KATNAL1: variants seen among roughly 807,000 people sequenced by gnomAD.
KATNAL1 encodes katanin catalytic subunit A1 like 1.
A neutral mutation model predicts 55.2 loss-of-function variants in KATNAL1; 32 were observed. The observed-to-expected ratio is 0.58, with a 90% CI of 0.44 to 0.78. KATNAL1 has a LOEUF of 0.78. Among genes scored for constraint, KATNAL1 ranks in the 30% least tolerant of loss-of-function variants. The probability of loss-of-function intolerance (pLI) is 0.00; values close to 1 mark genes in which losing one functional copy is unlikely to be tolerated. For synonymous variants in KATNAL1, 193 were observed against 193.6 expected (o/e 1.00, Z 0.02); for missense variants, 466 against 600.9 (o/e 0.78, Z 2.35).
chr13:30,251,064 G>A (rs1878249683), intron 4 of KATNAL1, among the ~76,000 whole-genome samples: 1 of 151,164 alleles, frequency 6.6e-6, no homozygotes, highest in Admixed American at 6.6e-5. Flanking sequence ...TGTGAACCCA[G>A]GAGGCAGAGC....
At chr13:30,267,129 C>T (rs1023225232) in intron 3 of KATNAL1, among the ~76,000 whole-genome samples, 1 of 152,164 alleles carries the variant, frequency 6.6e-6, no homozygotes, top group African/African-American at 2.4e-5. Context: ...CTGTATCTTG[C>T]TTTTCTTTGG....
intron 1 of KATNAL1, among the ~76,000 whole-genome samples, chr13:30,291,892 G>A (rs866719838): frequency 9.2e-5 from 14 of 151,980 alleles, no homozygotes; most frequent in African/African-American, 2.7e-4. Context: ...AAAACTAGCC[G>A]GGTGCGGTGG....
In KATNAL1 at chr13:30,218,966, T is replaced by C. The variant is rs1375414078; in HGVS notation, c.1147+8446A>G. On this transcript the variant is annotated intron_variant, in intron 9 of 10. Coordinates refer to ENST00000380615, the MANE Select transcript of KATNAL1 (RefSeq NM_032116.5). ...TTAAACTGCAAGAGTAAGTGATATA[T>C]TGGCTTTTCTTACCACCAATTTCTA... Among the ~76,000 whole-genome samples, 6 of 152,346 alleles carry C rather than the reference T, an allele frequency of 3.9e-5. No homozygotes were observed. In the South Asian group the frequency reaches 6.2e-4, roughly 16 times the overall value.
chr13:30,244,276 C>T (rs899481646), intron 4 of KATNAL1, among the ~76,000 whole-genome samples: 2 of 152,202 alleles, frequency 1.3e-5, no homozygotes, highest in Admixed American at 6.5e-5. Flanking sequence ...TTTTTTATGG[C>T]TGCATAGTAT....
At chr13:30,270,259 GC>G (rs1383628874) in intron 3 of KATNAL1, among the ~76,000 whole-genome samples, 1 of 132,732 alleles carries the variant, frequency 7.5e-6, no homozygotes, top group Non-Finnish European at 1.7e-5. Context: ...TGGGGGGTCA[GC>G]CCCCCCGCCC....
chr13:30,247,047 T>C (rs993320384), intron 4 of KATNAL1, among the ~76,000 whole-genome samples: 10 of 152,186 alleles, frequency 6.6e-5, no homozygotes, highest in African/African-American at 2.2e-4. Context: ...ATGAGGTAGG[T>C]ACTCTTATTA....
At chr13:30,245,450 C>A (rs181012130) in intron 4 of KATNAL1, among the ~76,000 whole-genome samples, 1 of 152,160 alleles carries the variant, frequency 6.6e-6, no homozygotes. Context: ...CAATATCACA[C>A]TGAATGGGCA....
At chr13:30,296,512 C>A in intron 1 of KATNAL1, 1 of 731,732 alleles carries the variant, frequency 1.4e-6, no homozygotes, top group Non-Finnish European at 2.6e-6. Flanking sequence ...GAGTGCATTG[C>A]CTACTGGGGC....
intron 3 of KATNAL1, among the ~76,000 whole-genome samples, chr13:30,270,316 C>T (rs1430941569): frequency 1.3e-5 from 2 of 151,284 alleles, no homozygotes; most frequent in Non-Finnish European, 3.0e-5. Flanking sequence ...CAGCCCCCCG[C>T]CCGGCCAGCC....
At chr13:30,235,833 A>G (rs769502878) in intron 6 of KATNAL1, among the ~76,000 whole-genome samples, 4 of 151,266 alleles carry the variant, frequency 2.6e-5, no homozygotes, top group African/African-American at 4.9e-5. Context: ...AAATCTGCAT[A>G]TAACGTTTGA....
chr13:30,257,476 C>T (rs1878889888), intron 3 of KATNAL1, among the ~76,000 whole-genome samples: 1 of 152,214 alleles, frequency 6.6e-6, no homozygotes, highest in Non-Finnish European at 1.5e-5. Flanking sequence ...CAGCTGGATG[C>T]CAGGCTGCTT....
intron 3 of KATNAL1, among the ~76,000 whole-genome samples, chr13:30,279,657 A>G (rs566711110): frequency 2.6e-5 from 4 of 152,304 alleles, no homozygotes; most frequent in African/African-American, 9.6e-5. Flanking sequence ...CTTCTACACT[A>G]AAACTCTGGA....
intron 8 of KATNAL1, among the ~76,000 whole-genome samples, chr13:30,228,785 C>T (rs980891973): frequency 6.6e-6 from 1 of 151,274 alleles, no homozygotes; most frequent in African/African-American, 2.4e-5. Context: ...CAGGTTCTTG[C>T]CCTGTTGCCC....
At chr13:30,280,866 T>G (rs1276597175) in intron 2 of KATNAL1, among the ~76,000 whole-genome samples, 2 of 152,104 alleles carry the variant, frequency 1.3e-5, no homozygotes. Flanking sequence ...TATGAGGAAA[T>G]TCTTGTGTTT....
chr13:30,287,765 A>G (rs930560208), intron 1 of KATNAL1, among the ~76,000 whole-genome samples: 1 of 152,256 alleles, frequency 6.6e-6, no homozygotes, highest in Non-Finnish European at 1.5e-5. Context: ...TTGTGAAACA[A>G]AAGCATAAAT....
chr13:30,303,474 A>G (rs1882988405), intron 1 of KATNAL1, among the ~76,000 whole-genome samples: 1 of 152,210 alleles, frequency 6.6e-6, no homozygotes, highest in Non-Finnish European at 1.5e-5. Context: ...CTGAGACAGG[A>G]AGGCTGCTTG....
At position 30,217,269 on chromosome 13, in the gene KATNAL1, G is replaced by T. The variant is rs192177313; in HGVS notation, c.1148-6827C>A. On this transcript the variant is annotated intron_variant, in intron 9 of 10. Transcript: ENST00000380615. ...AGATCGAGACCATCCCGGCTAACAC[G>T]GTGAAACCCTGTGTCTACTAAAAAT... Among the ~76,000 whole-genome samples, 5 of 152,158 alleles carry T rather than the reference G, an allele frequency of 3.3e-5. No individual in the cohort carries two copies. In the East Asian group the frequency reaches 9.7e-4, roughly 29 times the overall value.
intron 1 of KATNAL1, among the ~76,000 whole-genome samples, chr13:30,290,721 T>G (rs1451418178): frequency 6.6e-6 from 1 of 152,108 alleles, no homozygotes. Flanking sequence ...TCCAGCAATA[T>G]GTAAAATAGA....
chr13:30,211,750 A>G (rs1258591318), intron 9 of KATNAL1, among the ~76,000 whole-genome samples: 1 of 152,242 alleles, frequency 6.6e-6, no homozygotes, highest in Non-Finnish European at 1.5e-5. Flanking sequence ...GGAAAGAACC[A>G]AGAACAGCCA....
Sources: allele counts gnomAD v4.1 joint callset (sites outside exome capture counted in the v4.1 genomes callset), GRCh38; gene constraint gnomAD v4.1.1; transcripts MANE v1.5; gene names NCBI Gene and HGNC (gene_info 2026-07-23, HGNC 2026-07-21).